AGMO: variants seen among roughly 807,000 people sequenced by gnomAD.
AGMO encodes the protein glyceryl-ether monooxygenase.
In AGMO, 75 loss-of-function variants were observed where a neutral mutation model predicts 60.2. The observed-to-expected ratio is 1.25, with a 90% CI of 1.03 to 1.51. AGMO has a LOEUF of 1.51. Ranked by LOEUF, AGMO falls within the 40% of genes most tolerant of loss-of-function variation. AGMO has a pLI of 0.00. For missense variants in AGMO, 763 were observed against 525.5 expected (o/e 1.45, Z -4.42); for synonymous variants, 261 against 177.1 (o/e 1.47, Z -3.76).
chr7:15,535,434 T>C (rs534497514), intron 3 of AGMO, among the ~76,000 whole-genome samples: 1 of 152,050 alleles, frequency 6.6e-6, no homozygotes, highest in East Asian at 1.9e-4. Context: ...TGAACAAATA[T>C]AATAATAGTT....
chr7:15,211,995 A>C (rs1781604544), intron 12 of AGMO, among the ~76,000 whole-genome samples: 1 of 151,948 alleles, frequency 6.6e-6, no homozygotes, highest in Non-Finnish European at 1.5e-5. Flanking sequence ...AAAGGGCCAA[A>C]CTTGAAGGAC....
chr7:15,439,258 G>T (rs547142145), intron 3 of AGMO, among the ~76,000 whole-genome samples: 1 of 152,056 alleles, frequency 6.6e-6, no homozygotes, highest in African/African-American at 2.4e-5. Flanking sequence ...TTAGCAGGGC[G>T]TGGTGGTGCA....
At chr7:15,299,095 G>T (rs1784483952) in intron 12 of AGMO, among the ~76,000 whole-genome samples, 1 of 152,074 alleles carries the variant, frequency 6.6e-6, no homozygotes, top group Non-Finnish European at 1.5e-5. Flanking sequence ...CCAGTAGTTG[G>T]ATTCTTCTTC....
chr7:15,178,163 T>C, the AGMO span, among the ~76,000 whole-genome samples: 1 of 152,146 alleles, frequency 6.6e-6, no homozygotes, highest in Non-Finnish European at 1.5e-5. Context: ...TGCCTTACCA[T>C]CTCCTCTTTT....
At chr7:15,482,614 A>G (rs1044742540) in intron 3 of AGMO, among the ~76,000 whole-genome samples, 2 of 152,200 alleles carry the variant, frequency 1.3e-5, no homozygotes, top group Non-Finnish European at 2.9e-5. Context: ...TAGAGCAGAA[A>G]AAGTAGGGAC....
intron 12 of AGMO, among the ~76,000 whole-genome samples, chr7:15,216,286 T>C (rs1012688737): frequency 6.6e-6 from 1 of 152,126 alleles, no homozygotes; most frequent in Non-Finnish European, 1.5e-5. Flanking sequence ...TCAAACCCTG[T>C]CTCTGTTCTT....
intron 12 of AGMO, among the ~76,000 whole-genome samples, chr7:15,229,869 T>C (rs1461025502): frequency 6.6e-6 from 1 of 151,056 alleles, no homozygotes; most frequent in East Asian, 1.9e-4. Flanking sequence ...CAAAATGTAC[T>C]AGATGTTATT....
chr7:15,495,711 G>C (rs940850074), intron 3 of AGMO, among the ~76,000 whole-genome samples: 3 of 151,984 alleles, frequency 2.0e-5, no homozygotes, highest in African/African-American at 7.2e-5. Flanking sequence ...CAAGATCAAG[G>C]TTCTAGCAGA....
intron 3 of AGMO, among the ~76,000 whole-genome samples, chr7:15,544,533 T>G (rs965241220): frequency 4.6e-5 from 7 of 152,156 alleles, no homozygotes; most frequent in African/African-American, 1.7e-4. Context: ...CTTTCTAATC[T>G]TTTTTAAAAT....
chr7:15,260,356 G>T (rs897609077), intron 12 of AGMO, among the ~76,000 whole-genome samples: 3 of 152,056 alleles, frequency 2.0e-5, no homozygotes, highest in Non-Finnish European at 2.9e-5. Context: ...CAAGAGAGCA[G>T]GAGTAGCTAT....
chr7:15,385,409 T>C, intron 10 of AGMO, 37 bp downstream of exon 10: 1 of 1,289,688 alleles, frequency 7.8e-7, no homozygotes, highest in South Asian at 1.2e-5. Flanking sequence ...AAGTAACAGA[T>C]AATGTTCTCA....
intron 12 of AGMO, among the ~76,000 whole-genome samples, chr7:15,282,670 G>A (rs920673291): frequency 3.3e-5 from 5 of 152,190 alleles, no homozygotes; most frequent in Non-Finnish European, 7.3e-5. Flanking sequence ...TTATTTGATG[G>A]AATAATTGAG....
chr7:15,201,056 T>C lies in AGMO; in HGVS notation c.*229A>G, dbSNP rs1781263979. ...ATCAGTTAATATAACATCATTATAT[T>C]TGAAATCTTTTTTTAATTGTAGTAA... On this transcript the variant is annotated 3_prime_UTR_variant, in exon 13 of 13. Transcript: ENST00000342526. The C allele has an allele frequency of 2.8e-6, 1 of 354,268 alleles. No individual in the cohort carries two copies. Among genetic ancestry groups the C allele is most frequent in the Admixed American group, 4.5e-5 (1 of 22,056 alleles). The allele number at this position is 354,268 out of a possible 1,614,324, so 21.9% of individuals were successfully genotyped here.
chr7:15,149,473 AT>A, the AGMO span, among the ~76,000 whole-genome samples: 1 of 152,200 alleles, frequency 6.6e-6, no homozygotes, highest in Non-Finnish European at 1.5e-5. Flanking sequence ...CTTTTAATCT[AT>A]CATGAGTTGA....
chr7:15,503,280 G>A (rs1235178278), intron 3 of AGMO, among the ~76,000 whole-genome samples: 1 of 151,996 alleles, frequency 6.6e-6, no homozygotes, highest in Non-Finnish European at 1.5e-5. Context: ...ATGCTCACAA[G>A]CACCTTGAGA....
rs370654801 is a variant in AGMO at position 15,452,774 on chromosome 7, C to T, written c.410-21666G>A. ...AAAGTACACATTCACACAAATCTTG[C>T]ACACAGATGCACTTCACAGCATTAT... On this transcript the variant is annotated intron_variant, in intron 3 of 12. Transcript: ENST00000342526. Among the ~76,000 whole-genome samples the T allele has an allele frequency of 1.4e-4, 22 of 152,272 alleles. No homozygotes were observed. The East Asian group carries it at 2.1e-3, about 15-fold the overall frequency.
intron 3 of AGMO, among the ~76,000 whole-genome samples, chr7:15,510,191 G>A (rs1171420048): frequency 5.3e-5 from 8 of 152,040 alleles, no homozygotes; most frequent in Admixed American, 1.3e-4. Context: ...TTTGAGATAG[G>A]GTCTCACTCT....
At chr7:15,484,045 T>C (rs1295686025) in intron 3 of AGMO, among the ~76,000 whole-genome samples, 2 of 152,160 alleles carry the variant, frequency 1.3e-5, no homozygotes, top group Admixed American at 1.3e-4. Context: ...GTATAATCCC[T>C]GCAGTAGAAT....
the AGMO span, among the ~76,000 whole-genome samples, chr7:15,119,854 C>T: frequency 4.6e-5 from 7 of 151,560 alleles, no homozygotes; most frequent in African/African-American, 2.4e-5. Flanking sequence ...ATTTCCATCA[C>T]GTATCTTCCA....
Sources: gnomAD v4.1 joint callset for allele counts (sites outside exome capture counted in the v4.1 genomes callset) on GRCh38, gnomAD v4.1.1 for gene constraint, MANE v1.5 for transcripts, NCBI Gene and HGNC (gene_info 2026-07-23, HGNC 2026-07-21) for gene names.